COL4A4: variants seen among roughly 807,000 people sequenced by gnomAD.
COL4A4 encodes the protein collagen alpha-4(IV) chain.
A neutral mutation model predicts 192.9 loss-of-function variants in COL4A4; 105 were observed. The observed-to-expected ratio is 0.54, with a 90% confidence interval of 0.46 to 0.64. The LOEUF is 0.64. Among genes scored for constraint, COL4A4 ranks in the 30% least tolerant of loss-of-function variants. COL4A4 has a pLI of 0.00. For synonymous variants in COL4A4, 762 were observed against 769.9 expected, an observed-to-expected ratio of 0.99 and a Z score of 0.17; for missense variants, 1,967 against 2,169.3, an observed-to-expected ratio of 0.91 and a Z score of 1.85.
intron 44 of COL4A4, among the ~76,000 whole-genome samples, chr2:227,014,333 G>A (rs1964434287): frequency 6.6e-6 from 1 of 152,174 alleles, no homozygotes; most frequent in East Asian, 1.9e-4. Flanking sequence ...ATTTCTAGAA[G>A]TCCCCAGGTG....
intron 17 of COL4A4, among the ~76,000 whole-genome samples, chr2:227,100,360 G>C (rs113705830): frequency 3.7e-5 from 2 of 54,664 alleles, no homozygotes; most frequent in Admixed American, 3.9e-4. Context: ...ACACTGATAT[G>C]ATAATATGAT....
chr2:227,010,500 C>T lies in COL4A4; in HGVS notation c.4335G>A (p.Gly1445=), dbSNP rs762830099. ...TGEDGYPGGP[G]PPGPIGDPGP... ...CAGGATCCCCAATGGGACCAGGAGGCCCTGGAGGAACAAAGGAAAAAAATT... is the reference window on the plus strand; with the variant it reads ...CAGGATCCCCAATGGGACCAGGAGGTCCTGGAGGAACAAAGGAAAAAAATT... The change falls in exon 46 of 48, where the codon GGG becomes GGA. Residue 1445 remains glycine (G), a splice_region_variant and synonymous_variant. Coordinates refer to ENST00000396625, the MANE Select transcript of COL4A4 (RefSeq NM_000092.5). 1.9e-6 allele frequency: 3 copies of T among 1,558,520 alleles called. No individual in the cohort carries two copies. The highest frequency in any genetic ancestry group is 2.1e-5 in the Admixed American group (1 of 47,258).
In COL4A4 at chr2:227,005,467, A is replaced by C. The variant is rs1319224535; in HGVS notation, c.*1858T>G. 1 of 152,224 alleles carries C rather than the reference A, an allele frequency of 6.6e-6. No homozygotes were observed. The highest frequency in any genetic ancestry group is 1.5e-5 in the Non-Finnish European group (1 of 68,038). 9.4% of individuals were successfully genotyped at this position (152,224 alleles called of 1,614,324 possible). A position where few individuals can be genotyped will look rare whatever the true frequency, so the allele number is the denominator to read the frequency against. On this transcript the variant is annotated 3_prime_UTR_variant, in exon 48 of 48. Coordinates refer to ENST00000396625, the MANE Select transcript of COL4A4 (RefSeq NM_000092.5). Reference sequence around the variant, plus strand: ...TGAAATTGGCTTAAGTTTTAGGTGCACAAAAATATTCAACATGCCAGAGCA... The same window carrying C: ...TGAAATTGGCTTAAGTTTTAGGTGCCCAAAAATATTCAACATGCCAGAGCA...
At chr2:227,036,409 C>T (rs879385025) in intron 37 of COL4A4, among the ~76,000 whole-genome samples, 17 of 152,132 alleles carry the variant, frequency 1.1e-4, no homozygotes, top group Non-Finnish European at 1.6e-4. Context: ...TGTTTGCCTG[C>T]GACTTCTTCC....
intron 37 of COL4A4, among the ~76,000 whole-genome samples, chr2:227,041,915 A>AAAGAAAGAAAGAAAGAAAGG (rs1491233352): frequency 6.6e-6 from 1 of 150,994 alleles, no homozygotes; most frequent in African/African-American, 2.4e-5. Flanking sequence ...AGAAAGAAAG[A>AAAGAAAGAAAGAAAGAAAGG]AAGAAAGAAA....
chr2:226,977,877 T>G, the COL4A4 span, among the ~76,000 whole-genome samples: 1 of 152,242 alleles, frequency 6.6e-6, no homozygotes, highest in African/African-American at 2.4e-5. Context: ...ATTGTAAACA[T>G]GAAGAGTTTG....
At chr2:227,000,351 A>G (rs559222792), downstream of COL4A4, among the ~76,000 whole-genome samples, 3 of 152,244 alleles carry the variant, frequency 2.0e-5, no homozygotes, top group Non-Finnish European at 2.9e-5. Flanking sequence ...CAGTGCGCAC[A>G]AGTGCATTTT....
Position 227,042,257 on chromosome 2 carries a change from T to C in COL4A4, c.3398-2A>G. 2 of 1,594,954 alleles carry C rather than the reference T, an allele frequency of 1.3e-6. No homozygotes were observed. The highest frequency in any genetic ancestry group is 1.7e-6 in the Non-Finnish European group (2 of 1,162,534). Reference sequence around the variant, plus strand: ...TCAGCCCAGGCATCCCGTGATCACCTGAGGATGACAGGGAAGTTTTGCAGA... The same window carrying C: ...TCAGCCCAGGCATCCCGTGATCACCCGAGGATGACAGGGAAGTTTTGCAGA... On this transcript the variant is annotated splice_acceptor_variant, in intron 36 of 47. Coordinates refer to ENST00000396625, the MANE Select transcript of COL4A4 (RefSeq NM_000092.5). LOFTEE classifies it high-confidence loss of function.
At chr2:227,160,243 G>A (rs2064712883) in intron 1 of COL4A4, among the ~76,000 whole-genome samples, 1 of 152,174 alleles carries the variant, frequency 6.6e-6, no homozygotes, top group African/African-American at 2.4e-5. Flanking sequence ...GGAACTTCTG[G>A]AAGCTTTTAA....
rs1200638480 is a variant in COL4A4, at chr2:227,052,310, T to C, written c.2963A>G (p.Glu988Gly). Residue 988 changes from glutamate to glycine, a missense_variant, in exon 32 of 48, where the codon GAA becomes GGA. Coordinates refer to ENST00000396625, the MANE Select transcript of COL4A4 (RefSeq NM_000092.5). ...AAAAACTCTTAAGTGTTTACCTCTT[T>C]CTCCTGGGAATCCATCATCTCCAGG... Reference protein sequence around the residue: ...GPPGDDGFPGERGDKGTPGMQ... With the variant: ...GPPGDDGFPGGRGDKGTPGMQ... 2 of 1,578,982 alleles carry C rather than the reference T, an allele frequency of 1.3e-6. No homozygotes were observed. Among genetic ancestry groups the C allele is most frequent in the Admixed American group, 1.7e-5 (1 of 59,970 alleles).
chr2:227,038,277 C>G (rs1477683792), intron 37 of COL4A4, among the ~76,000 whole-genome samples: 1 of 152,190 alleles, frequency 6.6e-6, no homozygotes, highest in African/African-American at 2.4e-5. Context: ...TTTCAGTATT[C>G]TGAATATGGC....
At chr2:227,085,071 C>T (rs1014247124) in intron 22 of COL4A4, among the ~76,000 whole-genome samples, 10 of 151,342 alleles carry the variant, frequency 6.6e-5, no homozygotes, top group African/African-American at 1.5e-4. Context: ...GCAGATGTTG[C>T]GGTGAGCTGA....
At position 227,164,101 on chromosome 2, in the gene COL4A4, C is replaced by T. The variant is rs995418689; in HGVS notation, c.-196G>A. On this transcript the variant is annotated 5_prime_UTR_variant, in exon 1 of 48. Transcript: ENST00000396625. The surrounding 1 kb of genome is among the most constrained non-coding windows in gnomAD (Gnocchi z 4.8). ...ATCCACCCGCGCCCCGCTGCCTCTT[C>T]GCGGCGCTCTCGCAGCCAAGCCCGG... The T allele has an allele frequency of 6.6e-6, 1 of 152,404 alleles. No individual in the cohort carries two copies. Among genetic ancestry groups the T allele is most frequent in the African/African-American group, 2.4e-5 (1 of 41,466 alleles). The allele number at this position is 152,404 out of a possible 1,614,324, so 9.4% of individuals were successfully genotyped here. A position where few individuals can be genotyped will look rare whatever the true frequency, so the allele number is the denominator to read the frequency against.
chr2:227,141,680 G>A lies in COL4A4; in HGVS notation c.115-1442C>T, dbSNP rs558014631. ...AGCATACAAGAATTTGAAGCTTGAC[G>A]AGAGTCAAGCGATTAGATAGTTTAA... On this transcript the variant is annotated intron_variant, in intron 3 of 47. Transcript: ENST00000396625. Among the ~76,000 whole-genome samples the A allele has an allele frequency of 4.6e-5, 7 of 152,264 alleles. No individual in the cohort carries two copies. In the South Asian group the frequency reaches 6.2e-4, roughly 14 times the overall value.
the COL4A4 span, chr2:226,997,611 A>G: frequency 6.6e-6 from 1 of 152,194 alleles, no homozygotes; most frequent in African/African-American, 2.4e-5. Flanking sequence ...GTCACTGTAT[A>G]TGGAAGTATT....
chr2:227,062,231 C>T (rs1255218320), intron 26 of COL4A4, among the ~76,000 whole-genome samples: 69 of 92,488 alleles, frequency 7.5e-4, no homozygotes, highest in Non-Finnish European at 1.2e-3. Context: ...AGTGAGACTC[C>T]GTCTCAAAAA....
intron 37 of COL4A4, among the ~76,000 whole-genome samples, chr2:227,037,966 T>G (rs143635512): frequency 1.3e-5 from 2 of 152,074 alleles, no homozygotes; most frequent in East Asian, 3.9e-4. Flanking sequence ...TTGAATTCCT[T>G]GTAGATTGTC....
chr2:226,999,707 G>A (rs1350934069), downstream of COL4A4, among the ~76,000 whole-genome samples: 1 of 152,204 alleles, frequency 6.6e-6, no homozygotes, highest in Non-Finnish European at 1.5e-5. Flanking sequence ...TGCTTGGGAA[G>A]AGAGTAGTGT....
intron 22 of COL4A4, among the ~76,000 whole-genome samples, chr2:227,087,161 C>G (rs1243349136): frequency 6.6e-6 from 1 of 152,196 alleles, no homozygotes; most frequent in Non-Finnish European, 1.5e-5. Context: ...AATCAGACAG[C>G]TGAGAGGCTT....
Sources: allele counts gnomAD v4.1 joint callset (sites outside exome capture counted in the v4.1 genomes callset), GRCh38; gene constraint gnomAD v4.1.1; non-coding constraint Gnocchi (gnomAD v3.1); transcripts MANE v1.5; gene names NCBI Gene and HGNC (gene_info 2026-07-23, HGNC 2026-07-21).